Variants in SLC19A1 observed in about 807,000 individuals in gnomAD.
The protein encoded by SLC19A1 is solute carrier family 19 member 1.
Under a neutral mutation model 35.3 loss-of-function variants are expected in SLC19A1, and 37 were observed. That is an observed-to-expected ratio of 1.05 (90% CI 0.81 to 1.38). SLC19A1 has a LOEUF of 1.38. Among genes scored for constraint, SLC19A1 ranks in the 40% most tolerant of loss-of-function variants. The pLI, the probability that SLC19A1 is intolerant of heterozygous loss-of-function variation, is 0.00. For synonymous variants in SLC19A1, 460 were observed against 398.5 expected (o/e 1.15, Z -1.84); for missense variants, 831 against 826.9 (o/e 1.00, Z -0.06).
At chr21:45,522,322 A>C (rs2077461488) in intron 5 of SLC19A1, among the ~76,000 whole-genome samples, 2 of 152,212 alleles carry the variant, frequency 1.3e-5, no homozygotes, top group Non-Finnish European at 2.9e-5. Flanking sequence ...CAACGGCCAA[A>C]ATAAAAACTA....
chr21:45,510,251 T>C (rs1179534058), downstream of SLC19A1: 3 of 1,604,848 alleles, frequency 1.9e-6, no homozygotes, highest in Middle Eastern at 1.7e-4. Context: ...GTGCCCATCG[T>C]CAACCTCAAG....
In SLC19A1 at chr21:45,534,487, C is replaced by T; in HGVS notation, c.190-2339G>A. 4 of 1,380,268 alleles carry T rather than the reference C, an allele frequency of 2.9e-6. No individual in the cohort carries two copies. The highest frequency in any genetic ancestry group is 4.0e-6 in the Non-Finnish European group (4 of 1,005,168). The allele number at this position is 1,380,268 out of a possible 1,614,324, so 85.5% of individuals were successfully genotyped here. On this transcript the variant is annotated intron_variant, in intron 2 of 5. Coordinates refer to ENST00000311124, the MANE Select transcript of SLC19A1 (RefSeq NM_194255.4). The surrounding 1 kb of genome is among the most constrained non-coding windows in gnomAD (Gnocchi z 4.2). ...GCCAGCAGAGAGGCTCTCCCCAGAC[C>T]CCACGGCTCTCTGGAAAAGGGCGGC... is the stretch of plus-strand genomic sequence containing the variant.
chr21:45,559,099 G>C (rs753833798), intron 1 of SLC19A1, among the ~76,000 whole-genome samples: 4 of 152,106 alleles, frequency 2.6e-5, no homozygotes, highest in African/African-American at 4.8e-5. Context: ...GAGCCACCGT[G>C]CCTGGCCTAA....
intron 3 of SLC19A1, among the ~76,000 whole-genome samples, chr21:45,503,761 A>C (rs970388786): frequency 6.6e-5 from 10 of 152,156 alleles, no homozygotes; most frequent in Non-Finnish European, 7.3e-5. Context: ...CATCATGCAC[A>C]TGTACCCTAA....
chr21:45,547,581 C>G (rs1385944504), upstream of SLC19A1, among the ~76,000 whole-genome samples: 1 of 152,238 alleles, frequency 6.6e-6, no homozygotes. Flanking sequence ...ACATCCCTTT[C>G]TATTGATAAT....
At chr21:45,548,871 C>G (rs1384731438), upstream of SLC19A1, among the ~76,000 whole-genome samples, 1 of 152,188 alleles carries the variant, frequency 6.6e-6, no homozygotes, top group Non-Finnish European at 1.5e-5. Flanking sequence ...ACCACTCCTA[C>G]TATAAAGGCT....
chr21:45,515,031 G>A lies in SLC19A1; in HGVS notation c.*627C>T, dbSNP rs1004400267. On this transcript the variant is annotated 3_prime_UTR_variant, in exon 6 of 6. Transcript: ENST00000311124. ...AGGACCATGGAGGGCTGCCCTTAGGGTGGGAGAGAGGAACCAGCTCCGAGG... is the reference window on the plus strand; with the variant it reads ...AGGACCATGGAGGGCTGCCCTTAGGATGGGAGAGAGGAACCAGCTCCGAGG... 1 of 1,542,190 alleles carries A rather than the reference G, an allele frequency of 6.5e-7. No individual in the cohort carries two copies. The highest frequency in any genetic ancestry group is 2.1e-5 in the Admixed American group (1 of 48,406).
intron 1 of SLC19A1, among the ~76,000 whole-genome samples, chr21:45,555,001 G>C (rs1161030650): frequency 6.6e-6 from 1 of 151,098 alleles, no homozygotes. Context: ...CCAGGAGCAC[G>C]TCCAGGTTAT....
At chr21:45,505,222 C>T (rs1456535457) in intron 3 of SLC19A1, 3 of 1,601,036 alleles carry the variant, frequency 1.9e-6, no homozygotes, top group Non-Finnish European at 2.6e-6. Flanking sequence ...CGCCAGGGCC[C>T]TCCCGGCCCC....
upstream of SLC19A1, among the ~76,000 whole-genome samples, chr21:45,545,966 C>T (rs1032529048): frequency 2.0e-5 from 3 of 152,230 alleles, no homozygotes; most frequent in Non-Finnish European, 4.4e-5. Flanking sequence ...CTCCAGCCCC[C>T]ACTCCCGCCA....
At chr21:45,521,154 A>G (rs2077428126) in intron 5 of SLC19A1, among the ~76,000 whole-genome samples, 1 of 152,232 alleles carries the variant, frequency 6.6e-6, no homozygotes. Context: ...CCAACCTGCC[A>G]ACACCTTAAT....
intron 2 of SLC19A1, among the ~76,000 whole-genome samples, chr21:45,532,927 T>C (rs1165326374): frequency 6.6e-6 from 1 of 151,918 alleles, no homozygotes. Flanking sequence ...GGACTGTTCG[T>C]GGGGGAACCC....
intron 1 of SLC19A1, among the ~76,000 whole-genome samples, chr21:45,555,184 A>AGGGGGCGGC (rs1485082391): frequency 7.3e-5 from 1 of 13,698 alleles, no homozygotes; most frequent in Non-Finnish European, 1.2e-4. Context: ...GGGGCGGTGC[A>AGGGGGCGGC]GGGGGCGGCG....
chr21:45,531,895 C>A lies in SLC19A1; in HGVS notation c.443G>T (p.Arg148Leu), dbSNP rs570406160. 3.2e-6 allele frequency: 5 copies of A among 1,587,128 alleles called. No homozygotes were observed. Among genetic ancestry groups the A allele is most frequent in the African/African-American group, 1.3e-5 (1 of 74,226 alleles). ...CGAGTAGCCGGCCACACGCTGGTAG[C>A]GCGCGGGCCGCACGAGAGAGAAGAT... ...SYIFSLVRPARYQRVAGYSRA... is the reference protein window; with the variant it reads ...SYIFSLVRPALYQRVAGYSRA... The change falls in exon 3 of 6, where the codon CGC becomes CTC. Residue 148 changes from arginine (R) to leucine (L), a missense_variant. By Grantham distance (102) the Arg-to-Leu change is moderately radical. Transcript: ENST00000311124.
intron 5 of SLC19A1, among the ~76,000 whole-genome samples, chr21:45,521,012 C>G (rs1408270350): frequency 7.4e-6 from 1 of 135,244 alleles, no homozygotes. Flanking sequence ...AAGAGCGAAA[C>G]TCCATCTCAA....
At chr21:45,507,112 G>C in intron 3 of SLC19A1, 1 of 334,624 alleles carries the variant, frequency 3.0e-6, no homozygotes, top group Non-Finnish European at 5.9e-6. Flanking sequence ...GGACTGGGAG[G>C]GCTGGGTGCT....
In SLC19A1 at chr21:45,533,984, G is replaced by C. The variant is rs112410252; in HGVS notation, c.190-1836C>G. On this transcript the variant is annotated intron_variant, in intron 2 of 5. Coordinates refer to ENST00000311124, the MANE Select transcript of SLC19A1 (RefSeq NM_194255.4). This position sits in a 1 kb window ranked among gnomAD's most constrained non-coding sequence, Gnocchi z 4.5. The stretch of plus-strand genomic sequence containing the variant: ...GAGACCCCACCTCAGGGCACCCTGA[G>C]GTCGCACCCTGGAGCCTGCACCCTC... Among the ~76,000 whole-genome samples the C allele has an allele frequency of 3.5e-4, 54 of 152,148 alleles. No individual in the cohort carries two copies. Among genetic ancestry groups the C allele is most frequent in the African/African-American group, 1.3e-3 (53 of 41,532 alleles).
chr21:45,528,837 C>T (rs2077743132), intron 4 of SLC19A1, among the ~76,000 whole-genome samples: 1 of 152,240 alleles, frequency 6.6e-6, no homozygotes, highest in East Asian at 1.9e-4. Context: ...CTGTGTCTGG[C>T]ATCAACCCAA....
rs1044109175 is a variant in SLC19A1, at chr21:45,534,301, C to G, written c.190-2153G>C. 6.6e-6 allele frequency among the ~76,000 whole-genome samples: 1 copy of G among 152,128 alleles called. No homozygotes were observed. The highest frequency in any genetic ancestry group is 2.4e-5 in the African/African-American group (1 of 41,426). ...TCCTCCTCAGGGCCAGCCCAGGGAA[C>G]CCCTGCAGATTCCGAAAGAAGCGGC... On this transcript the variant is annotated intron_variant, in intron 2 of 5. Coordinates refer to ENST00000311124, the MANE Select transcript of SLC19A1 (RefSeq NM_194255.4). This position sits in a 1 kb window ranked among gnomAD's most constrained non-coding sequence, Gnocchi z 4.2.
Sources: gnomAD v4.1 joint callset for allele counts (sites outside exome capture counted in the v4.1 genomes callset) on GRCh38, gnomAD v4.1.1 for gene constraint, Gnocchi (gnomAD v3.1) non-coding constraint, MANE v1.5 for transcripts, NCBI Gene and HGNC (gene_info 2026-07-23, HGNC 2026-07-21) for gene names.